The following ADIPOR1 variants were observed in gnomAD, a reference collection of about 807,000 sequenced individuals.
ADIPOR1 encodes adiponectin receptor protein 1.
ADIPOR1 carries 15 observed loss-of-function variants against 37.5 expected under a neutral mutation model. The observed-to-expected ratio is 0.40, with a 90% confidence interval of 0.27 to 0.62. The LOEUF (loss-of-function observed/expected upper bound fraction) is 0.62. Ranked by LOEUF, ADIPOR1 falls within the 20% of genes least tolerant of loss-of-function variation. The probability of loss-of-function intolerance (pLI) is 0.42; values close to 1 mark genes in which losing one functional copy is unlikely to be tolerated. For missense variants in ADIPOR1, 286 were observed against 478.0 expected (o/e 0.60, Z 3.75); for synonymous variants, 173 against 173.2 (o/e 1.00, Z 0.01).
intron 6 of ADIPOR1, among the ~76,000 whole-genome samples, chr1:202,942,923 T>G (rs1654156535): frequency 6.6e-6 from 1 of 150,896 alleles, no homozygotes; most frequent in Non-Finnish European, 1.5e-5. Context: ...TGGAGTGCAG[T>G]GGCGTGATCT....
At position 202,951,011 on chromosome 1, in the gene ADIPOR1, C is replaced by T; in HGVS notation, c.60G>A (p.Arg20=). 1 of 1,614,094 alleles carries T rather than the reference C, an allele frequency of 6.2e-7. No homozygotes were observed. Among genetic ancestry groups the T allele is most frequent in the Non-Finnish European group, 8.5e-7 (1 of 1,180,030 alleles). ...AQGNGAPASN[R]EADTVELAEL... ...CAGCCAGTTCCACCGTGTCAGCTTC[C>T]CTGTTACTGGCAGGAGCCCCATTCC... Residue 20 remains arginine (R), a synonymous_variant, in exon 2 of 8, where the codon AGG becomes AGA. Coordinates refer to ENST00000340990, the MANE Select transcript of ADIPOR1 (RefSeq NM_015999.6).
At chr1:202,952,982 T>C (rs1253012701) in intron 1 of ADIPOR1, among the ~76,000 whole-genome samples, 1 of 152,210 alleles carries the variant, frequency 6.6e-6, no homozygotes, top group Non-Finnish European at 1.5e-5. Flanking sequence ...CAGACCTTTA[T>C]ATGGTGTCAA....
chr1:202,951,119 G>C lies in ADIPOR1; in HGVS notation c.-49C>G. ...CAGCTTCAGCTTGGGGAAAGGTTGG[G>C]GTCTCTCAGCCCCAGGGGGCAGAGA... On this transcript the variant is annotated 5_prime_UTR_variant, in exon 2 of 8. Coordinates refer to ENST00000340990, the MANE Select transcript of ADIPOR1 (RefSeq NM_015999.6). 6.2e-7 allele frequency: 1 copy of C among 1,610,728 alleles called. No individual in the cohort carries two copies. Among genetic ancestry groups the C allele is most frequent in the Non-Finnish European group, 8.5e-7 (1 of 1,177,520 alleles).
At chr1:202,950,097 G>C (rs1051767773) in intron 2 of ADIPOR1, among the ~76,000 whole-genome samples, 10 of 152,000 alleles carry the variant, frequency 6.6e-5, no homozygotes, top group African/African-American at 2.4e-4. Flanking sequence ...CGAGTAGCTG[G>C]GATTACAGGC....
intron 2 of ADIPOR1, among the ~76,000 whole-genome samples, chr1:202,949,605 A>G (rs1165997135): frequency 6.9e-6 from 1 of 145,482 alleles, no homozygotes; most frequent in Non-Finnish European, 1.5e-5. Context: ...AAACACACCC[A>G]GGAGAGCACT....
At chr1:202,955,761 G>A (rs375174346) in intron 1 of ADIPOR1, among the ~76,000 whole-genome samples, 15 of 152,170 alleles carry the variant, frequency 9.9e-5, no homozygotes, top group African/African-American at 3.1e-4. Flanking sequence ...GAGCCACCGT[G>A]CCCAGCCAAT....
At chr1:202,950,796 T>C (rs1250150445) in intron 2 of ADIPOR1, 134 bp downstream of exon 2, 6 of 1,243,680 alleles carry the variant, frequency 4.8e-6, no homozygotes, top group African/African-American at 4.5e-5. Flanking sequence ...AACAGTATCA[T>C]AGGGACTTGG....
Position 202,941,253 on chromosome 1 carries a change from A to T in ADIPOR1, c.*320T>A, listed in dbSNP as rs1030182297. 9.9e-5 allele frequency: 19 copies of T among 192,520 alleles called. No individual in the cohort carries two copies. The South Asian group carries it at 2.4e-3, about 25-fold the overall frequency. 11.9% of individuals were successfully genotyped at this position (192,520 alleles called of 1,614,324 possible). ...CAGAATTTCTGAAGAGTCCCAGTCC[A>T]TAATTTTCCCAAAATGGTTGGAGGA... On this transcript the variant is annotated 3_prime_UTR_variant, in exon 8 of 8. Transcript: ENST00000340990.
Position 202,941,440 on chromosome 1 carries a change from C to T in ADIPOR1, c.*133G>A. ...CAGTGGGTGTGAAAGTGGGCTGAAG[C>T]TTGGTTGGTACTGAATTCTCTAAGA... On this transcript the variant is annotated 3_prime_UTR_variant, in exon 8 of 8. Transcript: ENST00000340990. 2.6e-6 allele frequency: 3 copies of T among 1,150,200 alleles called. No homozygotes were observed. The highest frequency in any genetic ancestry group is 3.6e-6 in the Non-Finnish European group (3 of 840,560). 71.2% of individuals were successfully genotyped at this position (1,150,200 alleles called of 1,614,324 possible). A position where few individuals can be genotyped will look rare whatever the true frequency, so the allele number is the denominator to read the frequency against.
chr1:202,941,950 C>A (rs1165312995), intron 7 of ADIPOR1, 75 bp downstream of exon 7: 2 of 1,463,856 alleles, frequency 1.4e-6, no homozygotes, highest in African/African-American at 2.8e-5. Context: ...AGTCTCATAC[C>A]ACCTTTTCCT....
rs766587890 is a variant in ADIPOR1, at chr1:202,950,953, G to A, written c.118C>T (p.Arg40Trp). Residue 40 changes from arginine to tryptophan, a missense_variant, in exon 2 of 8, where the codon CGG becomes TGG. By Grantham distance (101) the Arg-to-Trp change is moderately radical (BLOSUM62 -3). Transcript: ENST00000340990. ...LGPLLEEKGK[R>W]VIANPPKAEE... ...ACTTTGGGTGGGTTGGCGATTACCC[G>A]TTTGCCCTTCTCTTCTAGCAGGGGT... 17 of 1,614,026 alleles carry A rather than the reference G, an allele frequency of 1.1e-5. No individual in the cohort carries two copies. The highest frequency in any genetic ancestry group is 1.6e-4 in the Middle Eastern group (1 of 6,082).
At chr1:202,949,595 A>AAC (rs1654483739) in intron 2 of ADIPOR1, among the ~76,000 whole-genome samples, 1 of 150,990 alleles carries the variant, frequency 6.6e-6, no homozygotes, top group South Asian at 2.1e-4. Flanking sequence ...AAAAAAAAAA[A>AAC]AACACACCCA....
intron 4 of ADIPOR1, among the ~76,000 whole-genome samples, 200 bp downstream of exon 4, chr1:202,946,239 T>A (rs186255368): frequency 5.3e-5 from 8 of 152,242 alleles, no homozygotes; most frequent in Admixed American, 3.9e-4. Flanking sequence ...TAGTCCCAAT[T>A]TCTTTGGTTT....
intron 1 of ADIPOR1, among the ~76,000 whole-genome samples, chr1:202,954,611 G>A (rs1186620676): frequency 6.6e-6 from 1 of 152,262 alleles, no homozygotes; most frequent in Non-Finnish European, 1.5e-5. Context: ...AGCCAAACTC[G>A]ACTGAGTGCA....
Position 202,950,955 on chromosome 1 carries a change from T to C in ADIPOR1, c.116A>G (p.Lys39Arg). ...ELGPLLEEKG[K>R]RVIANPPKAE... Reference sequence around the variant, plus strand: ...TTTGGGTGGGTTGGCGATTACCCGTTTGCCCTTCTCTTCTAGCAGGGGTCC... The same window carrying C: ...TTTGGGTGGGTTGGCGATTACCCGTCTGCCCTTCTCTTCTAGCAGGGGTCC... Residue 39 changes from lysine (K) to arginine (R), a missense_variant, in exon 2 of 8, where the codon AAA becomes AGA. Transcript: ENST00000340990. The C allele has an allele frequency of 6.2e-7, 1 of 1,614,196 alleles. No individual in the cohort carries two copies. Among genetic ancestry groups the C allele is most frequent in the African/African-American group, 1.3e-5 (1 of 75,044 alleles).
rs1184803810 is a variant in ADIPOR1, at chr1:202,944,004, T to C, written c.618-59A>G. On this transcript the variant is annotated intron_variant, in intron 5 of 7. Transcript: ENST00000340990. ...GGGGGAAATGAATTTGTATGGCTCA[T>C]TTAACTAGCTCTTTCTGTTCTCCAC... 10 of 1,460,872 alleles carry C rather than the reference T, an allele frequency of 6.8e-6. No individual in the cohort carries two copies. In the East Asian group the frequency reaches 9.4e-5, roughly 14 times the overall value. The allele number at this position is 1,460,872 out of a possible 1,614,324, so 90.5% of individuals were successfully genotyped here.
chr1:202,941,311 C>T lies in ADIPOR1; in HGVS notation c.*262G>A, dbSNP rs979837299. 20 of 292,524 alleles carry T rather than the reference C, an allele frequency of 6.8e-5. No homozygotes were observed. Among genetic ancestry groups the T allele is most frequent in the Non-Finnish European group, 1.1e-4 (18 of 158,748 alleles). 18.1% of individuals were successfully genotyped at this position (292,524 alleles called of 1,614,324 possible). On this transcript the variant is annotated 3_prime_UTR_variant, in exon 8 of 8. Transcript: ENST00000340990. Reference sequence around the variant, plus strand: ...AAATCTCAACATGAGTTTCAAAGTACTGTCTCTGTGAGGGGCCGGTAGATG... The same window carrying T: ...AAATCTCAACATGAGTTTCAAAGTATTGTCTCTGTGAGGGGCCGGTAGATG...
At position 202,946,652 on chromosome 1, in the gene ADIPOR1, A is replaced by G. The variant is rs757442999; in HGVS notation, c.259-42T>C. On this transcript the variant is annotated intron_variant, in intron 3 of 7. Coordinates refer to ENST00000340990, the MANE Select transcript of ADIPOR1 (RefSeq NM_015999.6). ...TTCTCTGGGTAGGGCACTAGATAGT[A>G]CCTTCCCCAAGGACAAGCAGTGATG... is the stretch of plus-strand genomic sequence containing the variant. 3.1e-6 allele frequency: 5 copies of G among 1,600,306 alleles called. No individual in the cohort carries two copies. The South Asian group carries it at 3.3e-5, about 11-fold the overall frequency.
At chr1:202,949,195 GA>G (rs2102488993) in intron 2 of ADIPOR1, among the ~76,000 whole-genome samples, 1 of 152,184 alleles carries the variant, frequency 6.6e-6, no homozygotes, top group South Asian at 2.1e-4. Context: ...TGTCATGATT[GA>G]AACTTTGTAT....
Sources: gnomAD v4.1 joint callset for allele counts (sites outside exome capture counted in the v4.1 genomes callset) on GRCh38, gnomAD v4.1.1 for gene constraint, MANE v1.5 for transcripts, NCBI Gene and HGNC (gene_info 2026-07-23, HGNC 2026-07-21) for gene names.